Variants in ERGIC2 observed in about 807,000 individuals in gnomAD.
ERGIC2 encodes endoplasmic reticulum-Golgi intermediate compartment protein 2.
A neutral mutation model predicts 52.5 loss-of-function variants in ERGIC2; 31 were observed. The observed-to-expected ratio is 0.59, with a 90% confidence interval of 0.44 to 0.80. ERGIC2 has a LOEUF of 0.80. Among genes scored for constraint, ERGIC2 ranks in the 30% least tolerant of loss-of-function variants. The pLI, the probability that ERGIC2 is intolerant of heterozygous loss-of-function variation, is 0.00. For synonymous variants in ERGIC2, 129 were observed against 140.6 expected (o/e 0.92, Z 0.58); for missense variants, 395 against 455.2 (o/e 0.87, Z 1.20).
At chr12:29,350,179 C>T in intron 8 of ERGIC2, 111 bp from the exon 9 acceptor site, 1 of 641,620 alleles carries the variant, frequency 1.6e-6, no homozygotes, top group Non-Finnish European at 2.7e-6. Context: ...TACAAAATAA[C>T]ATAAGAATGC....
At chr12:29,378,164 G>A (rs940664152) in intron 1 of ERGIC2, among the ~76,000 whole-genome samples, 5 of 152,170 alleles carry the variant, frequency 3.3e-5, no homozygotes, top group African/African-American at 1.2e-4. Context: ...GTCCTTTTAA[G>A]AAGGCCATGT....
chr12:29,367,405 C>A (rs1940379717), intron 4 of ERGIC2, among the ~76,000 whole-genome samples: 1 of 151,536 alleles, frequency 6.6e-6, no homozygotes, highest in African/African-American at 2.4e-5. Flanking sequence ...TCGGAAAAGG[C>A]TAAAATTTAA....
chr12:29,377,677 T>G (rs528409236), intron 1 of ERGIC2, among the ~76,000 whole-genome samples: 14 of 152,282 alleles, frequency 9.2e-5, no homozygotes, highest in African/African-American at 3.4e-4. Context: ...AAAAACTTCC[T>G]AAGACATAAG....
intron 6 of ERGIC2, among the ~76,000 whole-genome samples, chr12:29,360,935 A>G (rs765890962): frequency 3.9e-5 from 6 of 152,228 alleles, no homozygotes; most frequent in Middle Eastern, 6.8e-3. Context: ...AAAAAATCTC[A>G]TAACTTTTTC....
intron 8 of ERGIC2, among the ~76,000 whole-genome samples, chr12:29,352,301 T>C (rs1940144037): frequency 6.6e-6 from 1 of 152,186 alleles, no homozygotes; most frequent in Non-Finnish European, 1.5e-5. Context: ...TGGACACGAA[T>C]TTAAATTTCA....
chr12:29,349,889 T>G, intron 9 of ERGIC2, 124 bp downstream of exon 9: 1 of 602,866 alleles, frequency 1.7e-6, no homozygotes, highest in Non-Finnish European at 2.9e-6. Flanking sequence ...TTTAAAAATT[T>G]ATTTTTTCCT....
At position 29,368,244 on chromosome 12, in the gene ERGIC2, G is replaced by T; in HGVS notation, c.259C>A (p.Gln87Lys). The T allele has an allele frequency of 6.4e-7, 1 of 1,568,664 alleles. No individual in the cohort carries two copies. The highest frequency in any genetic ancestry group is 1.1e-5 in the South Asian group (1 of 89,526). Reference sequence around the variant, plus strand: ...AGCAAGTTGAAGGTGTACTTACATTGACACTTCATGGCAACAGTAATATCT... The same window carrying T: ...AGCAAGTTGAAGGTGTACTTACATTTACACTTCATGGCAACAGTAATATCT... ...NIDITVAMKC[Q>K]YVGADVLDLA... Residue 87 changes from glutamine (Q) to lysine (K), a missense_variant, in exon 4 of 14, where the codon CAA (glutamine) becomes AAA (lysine). Transcript: ENST00000360150.
chr12:29,370,036 T>C (rs1940419231), intron 3 of ERGIC2, 78 bp downstream of exon 3: 1 of 1,293,666 alleles, frequency 7.7e-7, no homozygotes, highest in African/African-American at 1.6e-5. Flanking sequence ...AAGGTTAGAC[T>C]TTTTCTTTTT....
chr12:29,374,248 G>C (rs540514007), intron 1 of ERGIC2, among the ~76,000 whole-genome samples: 1 of 152,076 alleles, frequency 6.6e-6, no homozygotes, highest in Non-Finnish European at 1.5e-5. Context: ...TTATCTAACT[G>C]CACCTCTGAG....
At chr12:29,356,583 T>C in intron 7 of ERGIC2, 106 bp from the exon 8 acceptor site, 1 of 574,190 alleles carries the variant, frequency 1.7e-6, no homozygotes, top group Non-Finnish European at 3.0e-6. Flanking sequence ...ATTTTTTAGG[T>C]AATATTCTAA....
At chr12:29,357,211 C>G (rs928110998) in intron 7 of ERGIC2, among the ~76,000 whole-genome samples, 1 of 152,126 alleles carries the variant, frequency 6.6e-6, no homozygotes, top group Non-Finnish European at 1.5e-5. Context: ...CTCAAATGAT[C>G]CGCCCACCTT....
At chr12:29,379,803 T>C (rs1456210993) in intron 1 of ERGIC2, among the ~76,000 whole-genome samples, 3 of 152,166 alleles carry the variant, frequency 2.0e-5, no homozygotes, top group African/African-American at 7.2e-5. Flanking sequence ...AACTATTAAA[T>C]AGGATTTTTA....
intron 11 of ERGIC2, among the ~76,000 whole-genome samples, chr12:29,344,325 A>G (rs1179226238): frequency 6.6e-6 from 1 of 152,190 alleles, no homozygotes; most frequent in Non-Finnish European, 1.5e-5. Context: ...TTTTGCAGAT[A>G]CTGCTAAACT....
Position 29,370,180 on chromosome 12 carries a change from A to C in ERGIC2, c.149T>G (p.Met50Arg). Residue 50 changes from methionine to arginine, a missense_variant, in exon 3 of 14, where the codon ATG becomes AGG. Transcript: ENST00000360150. ...TGTATCTTGATATACTGAGAATTCC[A>C]TTATGGTTAATAAAGCCATAGTTGT... ...AFTTMALLTI[M>R]EFSVYQDTWM... The C allele has an allele frequency of 1.3e-6, 2 of 1,553,392 alleles. No individual in the cohort carries two copies. The highest frequency in any genetic ancestry group is 1.7e-6 in the Non-Finnish European group (2 of 1,159,946).
At chr12:29,366,416 C>T (rs770288147) in intron 5 of ERGIC2, among the ~76,000 whole-genome samples, 12 of 151,894 alleles carry the variant, frequency 7.9e-5, no homozygotes, top group Non-Finnish European at 1.6e-4. Flanking sequence ...ATGCCCATGA[C>T]ATTTCTCCTC....
At chr12:29,352,837 T>TA (rs76564705) in intron 8 of ERGIC2, among the ~76,000 whole-genome samples, 46,059 of 152,034 alleles carry the variant, frequency 0.3, 8,757 homozygotes, top group Admixed American at 0.45. Context: ...CCTGTTCTTT[T>TA]AGCACCTTTA....
intron 10 of ERGIC2, among the ~76,000 whole-genome samples, chr12:29,346,783 A>G (rs934177658): frequency 6.6e-6 from 1 of 152,226 alleles, no homozygotes; most frequent in African/African-American, 2.4e-5. Context: ...CCAATTACTA[A>G]TTAACTGTAA....
intron 8 of ERGIC2, among the ~76,000 whole-genome samples, chr12:29,355,716 C>T (rs964509337): frequency 2.6e-5 from 4 of 151,952 alleles, no homozygotes; most frequent in African/African-American, 9.7e-5. Flanking sequence ...AACATTAAGA[C>T]AAAAACCTAA....
chr12:29,353,315 A>G (rs1418732629), intron 8 of ERGIC2, among the ~76,000 whole-genome samples: 1 of 152,210 alleles, frequency 6.6e-6, no homozygotes, highest in Non-Finnish European at 1.5e-5. Flanking sequence ...ACTGTCATAA[A>G]TTATTACTAG....
Sources: gnomAD v4.1 joint callset for allele counts (sites outside exome capture counted in the v4.1 genomes callset) on GRCh38, gnomAD v4.1.1 for gene constraint, MANE v1.5 for transcripts, NCBI Gene and HGNC (gene_info 2026-07-23, HGNC 2026-07-21) for gene names.